The following TBXAS1 variants were observed in gnomAD, a reference collection of about 807,000 sequenced individuals.
TBXAS1 encodes the protein thromboxane-A synthase.
Under a neutral mutation model 60.7 loss-of-function variants are expected in TBXAS1, and 48 were observed. The ratio of observed to expected loss-of-function variants is 0.79; its 90% CI spans 0.63 to 1.01. TBXAS1 has a LOEUF of 1.01. Ranked by LOEUF, TBXAS1 falls within the 50% of genes least tolerant of loss-of-function variation. TBXAS1 has a pLI of 0.00. For missense variants in TBXAS1, 685 were observed against 686.3 expected (o/e 1.00, Z 0.02); for synonymous variants, 287 against 269.7 (o/e 1.06, Z -0.63).
Position 139,978,773 on chromosome 7 carries a change from TACAAAAAAA to T in TBXAS1, c.1134+16542_1134+16550del, listed in dbSNP as rs765988140. ...GGCAATATAGTGAAACCCCTGCCTC[TACAAAAAAA>T]AAAAAAAAAAAAAAAATCAAAAATT... On this transcript the variant is annotated intron_variant, in intron 9 of 12. Transcript: ENST00000448866. 5.4e-5 allele frequency among the ~76,000 whole-genome samples: 3 copies of T among 55,834 alleles called. No homozygotes were observed. The Admixed American group carries it at 6.1e-4, about 11-fold the overall frequency. The allele number at this position is 55,834 out of a possible 152,430, so 36.6% of individuals were successfully genotyped here.
rs57280084 is a variant in TBXAS1 at position 139,813,588 on chromosome 7, C to T, written c.-79-15724C>T. Among the ~76,000 whole-genome samples, 348 of 152,292 alleles carry T rather than the reference C, an allele frequency of 2.3e-3. 1 individual carries two copies. The highest frequency in any genetic ancestry group is 8.1e-3 in the African/African-American group (336 of 41,554). The stretch of plus-strand genomic sequence containing the variant: ...ATCATAGAGTTATAGGCTGTGGTCA[C>T]CTGTTCTCGGACCTTTGGTTGGGTC... On this transcript the variant is annotated intron_variant, in intron 4 of 16. Transcript: ENST00000336425.
At chr7:140,007,588 T>A (rs1189347756) in intron 10 of TBXAS1, among the ~76,000 whole-genome samples, 1 of 152,136 alleles carries the variant, frequency 6.6e-6, no homozygotes, top group East Asian at 1.9e-4. Flanking sequence ...CAGATAAAAG[T>A]CCCTGACTGA....
chr7:139,838,918 C>T (rs1799245648), intron 1 of TBXAS1, among the ~76,000 whole-genome samples: 1 of 152,162 alleles, frequency 6.6e-6, no homozygotes, highest in African/African-American at 2.4e-5. Flanking sequence ...CAAGATAACA[C>T]ATTTTAAAAA....
At chr7:139,960,448 G>A (rs1810237478) in intron 8 of TBXAS1, among the ~76,000 whole-genome samples, 2 of 152,152 alleles carry the variant, frequency 1.3e-5, no homozygotes, top group Non-Finnish European at 2.9e-5. Flanking sequence ...TAATCTTATG[G>A]AGGAGGAAAA....
At chr7:139,811,533 T>C (rs758614254) in intron 4 of TBXAS1, among the ~76,000 whole-genome samples, 4 of 152,226 alleles carry the variant, frequency 2.6e-5, no homozygotes, top group Non-Finnish European at 4.4e-5. Context: ...CTGGCATGAC[T>C]GGGTGTCTTA....
intron 4 of TBXAS1, among the ~76,000 whole-genome samples, chr7:139,931,162 G>A (rs1042251916): frequency 6.6e-6 from 1 of 152,016 alleles, no homozygotes; most frequent in Non-Finnish European, 1.5e-5. Flanking sequence ...TTTCCCTGAC[G>A]TTAAATGCTC....
chr7:139,850,080 G>A (rs1800105431), intron 1 of TBXAS1, among the ~76,000 whole-genome samples: 1 of 152,196 alleles, frequency 6.6e-6, no homozygotes, highest in African/African-American at 2.4e-5. Context: ...AGAAGAAAGG[G>A]TGTATCCATG....
rs1201334836 is a variant in TBXAS1, at chr7:139,896,916, T to C, written c.237-14309T>C. ...GGAATAGAACGACACAGTCAGCTTC[T>C]GTTTTACAAAGGTGATTGGCCTTGG... On this transcript the variant is annotated intron_variant, in intron 3 of 12. Transcript: ENST00000448866. The surrounding 1 kb of genome is among the most constrained non-coding windows in gnomAD (Gnocchi z 4.0). 6.6e-6 allele frequency among the ~76,000 whole-genome samples: 1 copy of C among 152,172 alleles called. No homozygotes were observed. Among genetic ancestry groups the C allele is most frequent in the African/African-American group, 2.4e-5 (1 of 41,448 alleles).
At chr7:139,878,235 G>GGA (rs373707574) in intron 3 of TBXAS1, among the ~76,000 whole-genome samples, 6,740 of 148,098 alleles carry the variant, frequency 0.046, 471 homozygotes, top group African/African-American at 0.16. Flanking sequence ...TAGAAGAGGG[G>GGA]GAGAGAGAGA....
intron 5 of TBXAS1, among the ~76,000 whole-genome samples, chr7:139,944,798 A>G (rs1230779259): frequency 6.6e-6 from 1 of 152,174 alleles, no homozygotes; most frequent in Non-Finnish European, 1.5e-5. Flanking sequence ...GGATAGGGTT[A>G]TGTAAAAAAG....
At chr7:139,816,965 C>A (rs1224055019) in intron 4 of TBXAS1, among the ~76,000 whole-genome samples, 1 of 152,146 alleles carries the variant, frequency 6.6e-6, no homozygotes, top group Non-Finnish European at 1.5e-5. Context: ...AAGTAGAAGT[C>A]AAGTGTCCTG....
chr7:139,827,555 T>G (rs1798473132), upstream of TBXAS1, among the ~76,000 whole-genome samples: 1 of 152,246 alleles, frequency 6.6e-6, no homozygotes, highest in Non-Finnish European at 1.5e-5. Context: ...TTTTTTAACT[T>G]GTATTTTTGT....
At chr7:139,995,069 C>T (rs1323453998) in intron 9 of TBXAS1, among the ~76,000 whole-genome samples, 1 of 152,110 alleles carries the variant, frequency 6.6e-6, no homozygotes, top group Admixed American at 6.5e-5. Flanking sequence ...TTTTTATAAA[C>T]ATCCAGGCAG....
intron 3 of TBXAS1, among the ~76,000 whole-genome samples, chr7:139,893,232 G>A (rs987234104): frequency 1.3e-5 from 2 of 151,808 alleles, no homozygotes; most frequent in African/African-American, 4.8e-5. Flanking sequence ...CCCAGACCGT[G>A]TATTCCTGTT....
At chr7:139,962,449 T>C (rs1281497913) in intron 9 of TBXAS1, 1 of 555,718 alleles carries the variant, frequency 1.8e-6, no homozygotes, top group African/African-American at 1.9e-5. Flanking sequence ...AAATTGTGTG[T>C]GCACCTTCAC....
At chr7:139,907,241 G>T (rs952296453) in intron 3 of TBXAS1, among the ~76,000 whole-genome samples, 1 of 152,146 alleles carries the variant, frequency 6.6e-6, no homozygotes, top group African/African-American at 2.4e-5. Flanking sequence ...ATGAACAAGT[G>T]CTGGATTTTG....
intron 4 of TBXAS1, among the ~76,000 whole-genome samples, chr7:139,932,349 T>G (rs914351597): frequency 6.6e-6 from 1 of 152,126 alleles, no homozygotes; most frequent in Non-Finnish European, 1.5e-5. Context: ...CCCCTCTGCA[T>G]GCTCAAGCCT....
chr7:139,911,382 C>T, intron 4 of TBXAS1, 61 bp downstream of exon 4: 1 of 1,415,246 alleles, frequency 7.1e-7, no homozygotes, highest in Non-Finnish European at 1.0e-6. Flanking sequence ...GGAGACACTG[C>T]ATGTCAGATC....
intron 3 of TBXAS1, among the ~76,000 whole-genome samples, chr7:139,881,641 G>A (rs1802709001): frequency 6.6e-6 from 1 of 152,084 alleles, no homozygotes; most frequent in Admixed American, 6.5e-5. Flanking sequence ...GTAGCTTCTT[G>A]TACCTAGCTG....
Sources: gnomAD v4.1 joint callset for allele counts (sites outside exome capture counted in the v4.1 genomes callset) on GRCh38, gnomAD v4.1.1 for gene constraint, Gnocchi (gnomAD v3.1) non-coding constraint, MANE v1.5 for transcripts, NCBI Gene and HGNC (gene_info 2026-07-23, HGNC 2026-07-21) for gene names.